Variants in THSD4 observed in about 807,000 individuals in gnomAD.
The protein encoded by THSD4 is thrombospondin type-1 domain-containing protein 4.
THSD4 carries 69 observed loss-of-function variants against 119.0 expected under a neutral mutation model. The observed-to-expected ratio is 0.58, with a 90% CI of 0.48 to 0.71. The LOEUF is 0.71. Ranked by LOEUF, THSD4 falls within the 30% of genes least tolerant of loss-of-function variation. The pLI is 0.00. For missense variants in THSD4, 1,393 were observed against 1,391.1 expected, an observed-to-expected ratio of 1.00 and a Z score of -0.02; for synonymous variants, 524 against 540.4, an observed-to-expected ratio of 0.97 and a Z score of 0.42.
At chr15:71,546,062 G>A (rs1008877593) in intron 7 of THSD4, among the ~76,000 whole-genome samples, 3 of 152,172 alleles carry the variant, frequency 2.0e-5, no homozygotes, top group East Asian at 1.9e-4. Flanking sequence ...CAGGAACTAT[G>A]CCACATTTTG....
rs1040057220 is a variant in THSD4, at chr15:71,590,021, G to A, written c.1153-70509G>A. On this transcript the variant is annotated intron_variant, in intron 7 of 17. Transcript: ENST00000261862. ...AAAACAATACCATCAATCATTTCTA[G>A]ATCTGTGCATATCAGTAGGAATATA... is the stretch of plus-strand genomic sequence containing the variant. 4.3e-5 allele frequency among the ~76,000 whole-genome samples: 6 copies of A among 139,492 alleles called. 2 individuals are homozygous for A. Among genetic ancestry groups the A allele is most frequent in the Middle Eastern group, 7.4e-3 (2 of 272 alleles). 91.5% of individuals were successfully genotyped at this position (139,492 alleles called of 152,430 possible).
At chr15:71,756,565 T>G (rs2053542173) in intron 14 of THSD4, among the ~76,000 whole-genome samples, 1 of 152,136 alleles carries the variant, frequency 6.6e-6, no homozygotes, top group Non-Finnish European at 1.5e-5. Flanking sequence ...GGCGGATCTC[T>G]TGCGCTCAGG....
intron 1 of THSD4, among the ~76,000 whole-genome samples, chr15:71,130,255 G>C (rs35684013): frequency 1.3e-5 from 2 of 151,862 alleles, no homozygotes; most frequent in Non-Finnish European, 2.9e-5. Context: ...GCATAGTCTC[G>C]GTTCATTGCA....
At chr15:71,422,317 T>C (rs958719440) in intron 7 of THSD4, among the ~76,000 whole-genome samples, 23 of 152,322 alleles carry the variant, frequency 1.5e-4, no homozygotes, top group African/African-American at 5.5e-4. Context: ...CTCGTCCTTC[T>C]TTAGAAGGCT....
At chr15:71,333,864 TA>T (rs2045458989) in intron 6 of THSD4, among the ~76,000 whole-genome samples, 2 of 152,210 alleles carry the variant, frequency 1.3e-5, no homozygotes, top group African/African-American at 4.8e-5. Flanking sequence ...GTTGACAAGA[TA>T]ATGCTACAGA....
At chr15:71,240,951 C>T (rs2044147988) in intron 4 of THSD4, among the ~76,000 whole-genome samples, 1 of 152,040 alleles carries the variant, frequency 6.6e-6, no homozygotes, top group Non-Finnish European at 1.5e-5. Context: ...GCAAAATAAA[C>T]ACTGTGGCGT....
At chr15:71,253,430 CAG>C (rs900872959) in intron 5 of THSD4, among the ~76,000 whole-genome samples, 13 of 151,224 alleles carry the variant, frequency 8.6e-5, no homozygotes, top group Non-Finnish European at 1.5e-5. Flanking sequence ...TTTTTGGAGA[CAG>C]AGTCTTCCTT....
At chr15:71,468,262 C>T (rs1237531053) in intron 7 of THSD4, among the ~76,000 whole-genome samples, 5 of 152,308 alleles carry the variant, frequency 3.3e-5, no homozygotes, top group East Asian at 3.9e-4. Context: ...GAGGCCTCCT[C>T]GGCCATGTGT....
At chr15:71,462,521 A>T (rs1203992504) in intron 7 of THSD4, among the ~76,000 whole-genome samples, 1 of 152,136 alleles carries the variant, frequency 6.6e-6, no homozygotes, top group Non-Finnish European at 1.5e-5. Flanking sequence ...TGATCATCCC[A>T]CTTCTACTTT....
chr15:71,692,496 G>A (rs921572739), intron 8 of THSD4, among the ~76,000 whole-genome samples: 2 of 152,162 alleles, frequency 1.3e-5, no homozygotes, highest in Non-Finnish European at 2.9e-5. Context: ...CATTCACCGA[G>A]TTGGAAGATT....
intron 4 of THSD4, among the ~76,000 whole-genome samples, chr15:71,219,451 A>T (rs2043958202): frequency 6.6e-6 from 1 of 152,178 alleles, no homozygotes; most frequent in Non-Finnish European, 1.5e-5. Flanking sequence ...GTGGCTTGTT[A>T]AAAAGAGAGT....
At chr15:71,705,330 C>A (rs1199695083) in intron 8 of THSD4, among the ~76,000 whole-genome samples, 1 of 152,182 alleles carries the variant, frequency 6.6e-6, no homozygotes, top group Non-Finnish European at 1.5e-5. Context: ...CTAATTTGCA[C>A]ACCGCAACTA....
At chr15:71,768,560 A>ATTTTTTTTTTTTTTT (rs964263863) in intron 16 of THSD4, among the ~76,000 whole-genome samples, 1 of 99,280 alleles carries the variant, frequency 1.0e-5, no homozygotes, top group Non-Finnish European at 1.9e-5. Flanking sequence ...GCAGATCCTG[A>ATTTTTTTTTTTTTTT]TTTTTTTTTT....
chr15:71,310,351 T>A (rs74719911), intron 6 of THSD4, among the ~76,000 whole-genome samples: 4,710 of 152,262 alleles, frequency 0.031, 124 homozygotes, highest in African/African-American at 0.076. Context: ...TGAAGGCTCA[T>A]TGAGAAATCA....
At chr15:71,143,199 G>A (rs2040621935) in intron 2 of THSD4, among the ~76,000 whole-genome samples, 1 of 152,150 alleles carries the variant, frequency 6.6e-6, no homozygotes, top group South Asian at 2.1e-4. Flanking sequence ...CCACGAGGAG[G>A]ACAGCCCAAA....
chr15:71,307,026 G>T (rs1025877135), intron 6 of THSD4, among the ~76,000 whole-genome samples: 3 of 152,186 alleles, frequency 2.0e-5, no homozygotes, highest in African/African-American at 7.2e-5. Flanking sequence ...TTGCTCTGCA[G>T]TCCTCCCTCA....
At chr15:71,711,680 A>ATG (rs1567113512) in intron 8 of THSD4, among the ~76,000 whole-genome samples, 1 of 151,662 alleles carries the variant, frequency 6.6e-6, no homozygotes, top group Non-Finnish European at 1.5e-5. Context: ...AATGATATAT[A>ATG]TAAATAGATT....
chr15:71,364,979 A>C (rs972318445), intron 6 of THSD4, among the ~76,000 whole-genome samples: 3 of 152,168 alleles, frequency 2.0e-5, no homozygotes, highest in Admixed American at 6.5e-5. Context: ...CCACCTAAAC[A>C]ATAAAATATC....
chr15:71,598,526 T>C (rs1320248712), intron 7 of THSD4, among the ~76,000 whole-genome samples: 1 of 152,170 alleles, frequency 6.6e-6, no homozygotes, highest in Non-Finnish European at 1.5e-5. Context: ...ACGTCATTTC[T>C]CCATTCCCTG....
Sources: allele counts gnomAD v4.1 joint callset (sites outside exome capture counted in the v4.1 genomes callset), GRCh38; gene constraint gnomAD v4.1.1; transcripts MANE v1.5; gene names NCBI Gene and HGNC (gene_info 2026-07-23, HGNC 2026-07-21).